ATG4B: variants seen among roughly 807,000 people sequenced by gnomAD.
ATG4B encodes the protein cysteine protease ATG4B.
ATG4B carries 29 observed loss-of-function variants against 56.6 expected under a neutral mutation model. That is an observed-to-expected ratio of 0.51 (90% confidence interval 0.38 to 0.70). The LOEUF is 0.70. Among genes scored for constraint, ATG4B ranks in the 30% least tolerant of loss-of-function variants. ATG4B has a pLI of 0.00. For missense variants in ATG4B, 461 were observed against 515.5 expected (o/e 0.89, Z 1.02); for synonymous variants, 224 against 206.1 (o/e 1.09, Z -0.74).
chr2:241,668,232 G>A lies in ATG4B; in HGVS notation c.811+11G>A. ...TCATCGGCTACGTTGGTGAGTCCAG[G>A]GTTCCCACCGTGTCCCTGTGGGCCT... On this transcript the variant is annotated intron_variant, in intron 9 of 12. Coordinates refer to ENST00000404914, the MANE Select transcript of ATG4B (RefSeq NM_013325.5). This position sits in a 1 kb window ranked among gnomAD's most constrained non-coding sequence, Gnocchi z 4.2. 6.3e-7 allele frequency: 1 copy of A among 1,590,676 alleles called. No homozygotes were observed. The highest frequency in any genetic ancestry group is 1.2e-5 in the South Asian group (1 of 86,892).
At chr2:241,650,955 T>C in intron 1 of ATG4B, 55 bp from the exon 2 acceptor site, 1 of 1,443,168 alleles carries the variant, frequency 6.9e-7, no homozygotes. Flanking sequence ...CCTCTTTCGA[T>C]ACTAGTTTAT....
Position 241,666,824 on chromosome 2 carries a change from G to T in ATG4B, c.718G>T (p.Val240Leu). Residue 240 changes from valine to leucine, a missense_variant, in exon 8 of 13, where the codon GTG (valine) becomes TTG (leucine). By Grantham distance (32) the Val-to-Leu change is conservative. Transcript: ENST00000404914. ...GCTCACGGACATCAACGAGGCCTAC[G>T]TGGAGACGCTGAAGGTGGGTCCTGC... ...LGLTDINEAY[V>L]ETLKHCFMMP... is the part of the protein sequence containing the mutation. 1.3e-6 allele frequency: 2 copies of T among 1,564,300 alleles called. No individual in the cohort carries two copies. The highest frequency in any genetic ancestry group is 1.7e-6 in the Non-Finnish European group (2 of 1,154,866).
intron 3 of ATG4B, chr2:241,653,212 T>C: frequency 2.3e-6 from 2 of 879,364 alleles, no homozygotes; most frequent in Non-Finnish European, 3.6e-6. Flanking sequence ...CTTTGCATTT[T>C]CTGGATGACT....
rs1055617351 is a variant in ATG4B, at chr2:241,664,929, A to G, written c.539-1716A>G. ...CAGTGAACCGAGATTATGCCACTGCACTCCAGCCTGGACAACAGAGAATCG... is the reference window on the plus strand; with the variant it reads ...CAGTGAACCGAGATTATGCCACTGCGCTCCAGCCTGGACAACAGAGAATCG... On this transcript the variant is annotated intron_variant, in intron 7 of 12. Coordinates refer to ENST00000404914, the MANE Select transcript of ATG4B (RefSeq NM_013325.5). 1.9e-4 allele frequency among the ~76,000 whole-genome samples: 29 copies of G among 152,120 alleles called. 1 individual carries two copies. The highest frequency in any genetic ancestry group is 6.5e-5 in the Admixed American group (1 of 15,270).
chr2:241,640,485 CTGTT>C (rs1382357455), intron 1 of ATG4B, among the ~76,000 whole-genome samples: 11 of 152,224 alleles, frequency 7.2e-5, no homozygotes, highest in South Asian at 2.1e-4. Context: ...ATTCAATACA[CTGTT>C]TGTTACTGAC....
intron 6 of ATG4B, among the ~76,000 whole-genome samples, chr2:241,656,461 C>T (rs1450509502): frequency 1.3e-5 from 2 of 152,174 alleles, no homozygotes; most frequent in Non-Finnish European, 2.9e-5. Flanking sequence ...CTTCCACTCA[C>T]ACTTCTCTTG....
chr2:241,671,252 C>T (rs111356569), intron 11 of ATG4B, 60 bp from the exon 12 acceptor site: 3 of 1,495,110 alleles, frequency 2.0e-6, no homozygotes, highest in Admixed American at 3.8e-5. Flanking sequence ...TGGCCCCTTT[C>T]TCTTGGCCGC....
Position 241,668,528 on chromosome 2 carries a change from T to G in ATG4B, c.812-12T>G. On this transcript the variant is annotated splice_polypyrimidine_tract_variant and intron_variant, in intron 9 of 12. Transcript: ENST00000404914. The surrounding 1 kb of genome is among the most constrained non-coding windows in gnomAD (Gnocchi z 4.2). ...TCGGCCACCCACCTGCCCACCTGCC[T>G]CATCCTCCCAGGTGAGGAGCTCATC... is the stretch of plus-strand genomic sequence containing the variant. 6.2e-7 allele frequency: 1 copy of G among 1,606,346 alleles called. No homozygotes were observed. Among genetic ancestry groups the G allele is most frequent in the African/African-American group, 1.3e-5 (1 of 74,878 alleles).
At position 241,637,704 on chromosome 2, in the gene ATG4B, G is replaced by C; in HGVS notation, c.-11G>C. On this transcript the variant is annotated 5_prime_UTR_variant, in exon 1 of 13. Transcript: ENST00000404914. ...ACGCCGCTCGGGTCAGTCGGCGGCC[G>C]GACTGGGAAGATGGACGCAGGTGAG... 1 of 1,583,656 alleles carries C rather than the reference G, an allele frequency of 6.3e-7. No individual in the cohort carries two copies. The highest frequency in any genetic ancestry group is 8.6e-7 in the Non-Finnish European group (1 of 1,167,758).
At position 241,671,610 on chromosome 2, in the gene ATG4B, G is replaced by A. The variant is rs949193274; in HGVS notation, c.1108+205G>A. On this transcript the variant is annotated intron_variant, in intron 12 of 12. Transcript: ENST00000404914. ...CGCCCAGCAGCCCAGGACCCACCTCGTCTTCCCCACCAGCGCTGCCTGCCC... is the reference window on the plus strand; with the variant it reads ...CGCCCAGCAGCCCAGGACCCACCTCATCTTCCCCACCAGCGCTGCCTGCCC... The A allele has an allele frequency of 3.6e-5, 54 of 1,496,450 alleles. No individual in the cohort carries two copies. In the East Asian group the frequency reaches 5.1e-4, roughly 14 times the overall value. The allele number at this position is 1,496,450 out of a possible 1,614,324, so 92.7% of individuals were successfully genotyped here. A position where few individuals can be genotyped will look rare whatever the true frequency, so the allele number is the denominator to read the frequency against.
chr2:241,652,237 G>A (rs1318721509), intron 3 of ATG4B, among the ~76,000 whole-genome samples: 2 of 152,246 alleles, frequency 1.3e-5, no homozygotes, highest in Admixed American at 6.5e-5. Context: ...ATGTGCCCTG[G>A]GAATAGTTGC....
At chr2:241,661,547 A>G (rs966072362) in intron 7 of ATG4B, among the ~76,000 whole-genome samples, 10 of 152,224 alleles carry the variant, frequency 6.6e-5, no homozygotes, top group Admixed American at 5.9e-4. Context: ...GTCCTTGGCT[A>G]AGCAAGGACT....
Position 241,650,917 on chromosome 2 carries a change from C to T in ATG4B, c.11-93C>T, listed in dbSNP as rs1211402057. 4.7e-6 allele frequency: 5 copies of T among 1,055,068 alleles called. No individual in the cohort carries two copies. In the South Asian group the frequency reaches 7.6e-5, roughly 16 times the overall value. 65.4% of individuals were successfully genotyped at this position (1,055,068 alleles called of 1,614,324 possible). ...GCTGTTACAAGAATTTACAGTTGTT[C>T]TCTTCAGCACAGAAATGCTGTAAAT... On this transcript the variant is annotated intron_variant, in intron 1 of 12. Coordinates refer to ENST00000404914, the MANE Select transcript of ATG4B (RefSeq NM_013325.5).
rs2069054652 is a variant in ATG4B at position 241,673,745 on chromosome 2, G to A, written c.*1481G>A. 4.4e-6 allele frequency: 2 copies of A among 455,020 alleles called. No homozygotes were observed. Among genetic ancestry groups the A allele is most frequent in the Non-Finnish European group, 8.8e-6 (2 of 227,024 alleles). 28.2% of individuals were successfully genotyped at this position (455,020 alleles called of 1,614,324 possible). On this transcript the variant is annotated 3_prime_UTR_variant, in exon 13 of 13. Coordinates refer to ENST00000404914, the MANE Select transcript of ATG4B (RefSeq NM_013325.5). ...ATGTGTGGGACACCTTGACCAAAGG[G>A]GAGCTTTGTCTCGTGTGTTTTGAAA... is the stretch of plus-strand genomic sequence containing the variant.
At position 241,668,634 on chromosome 2, in the gene ATG4B, G is replaced by C; in HGVS notation, c.906G>C (p.Gln302His). The C allele has an allele frequency of 6.3e-7, 1 of 1,578,400 alleles. No homozygotes were observed. The highest frequency in any genetic ancestry group is 8.6e-7 in the Non-Finnish European group (1 of 1,162,026). ...TCCCGGACGAGAGCTTCCACTGCCAGCACCCGCCGTGCCGCATGAGCATCG... is the reference window on the plus strand; with the variant it reads ...TCCCGGACGAGAGCTTCCACTGCCACCACCCGCCGTGCCGCATGAGCATCG... Reference protein sequence around the residue: ...CFIPDESFHCQHPPCRMSIAE... With the variant: ...CFIPDESFHCHHPPCRMSIAE... Residue 302 changes from glutamine to histidine, a missense_variant, in exon 10 of 13, where the codon CAG becomes CAC. Gln to His is a conservative substitution (Grantham distance 24). Transcript: ENST00000404914. This position sits in a 1 kb window ranked among gnomAD's most constrained non-coding sequence, Gnocchi z 4.2.
intron 6 of ATG4B, among the ~76,000 whole-genome samples, chr2:241,657,859 T>A (rs1409813852): frequency 6.6e-6 from 1 of 152,244 alleles, no homozygotes; most frequent in East Asian, 1.9e-4. Context: ...GGCTCTTCAC[T>A]GCTGACTCAG....
rs763927745 is a variant in ATG4B, at chr2:241,655,239, G to A, written c.386-32G>A. ...CCAGAGGTCAGGGCTGGGGGCGGGT[G>A]TGTGTTGCTAATGTGTATCTGTTCC... On this transcript the variant is annotated intron_variant, in intron 5 of 12. Coordinates refer to ENST00000404914, the MANE Select transcript of ATG4B (RefSeq NM_013325.5). The A allele has an allele frequency of 4.4e-6, 7 of 1,593,362 alleles. No individual in the cohort carries two copies. The Admixed American group carries it at 8.8e-5, about 20-fold the overall frequency.
At chr2:241,643,676 G>GTGTGTA (rs1378842039) in intron 1 of ATG4B, among the ~76,000 whole-genome samples, 3 of 134,534 alleles carry the variant, frequency 2.2e-5, no homozygotes, top group African/African-American at 9.2e-5. Flanking sequence ...GTGTGTGTGT[G>GTGTGTA]TGTGTATGTA....
At chr2:241,650,922 C>T (rs548679290) in intron 1 of ATG4B, 88 bp from the exon 2 acceptor site, 9 of 1,117,936 alleles carry the variant, frequency 8.1e-6, no homozygotes, top group African/African-American at 7.8e-5. Context: ...TTGTTCTCTT[C>T]AGCACAGAAA....
Sources: gnomAD v4.1 joint callset for allele counts (sites outside exome capture counted in the v4.1 genomes callset) on GRCh38, gnomAD v4.1.1 for gene constraint, Gnocchi (gnomAD v3.1) non-coding constraint, MANE v1.5 for transcripts, NCBI Gene and HGNC (gene_info 2026-07-23, HGNC 2026-07-21) for gene names.